NONO: variants seen among roughly 807,000 people sequenced by gnomAD.
The protein encoded by NONO is non-POU domain-containing octamer-binding protein.
NONO carries 6 observed loss-of-function variants against 40.2 expected under a neutral mutation model. The ratio of observed to expected loss-of-function variants is 0.15; its 90% confidence interval spans 0.08 to 0.29. The LOEUF (loss-of-function observed/expected upper bound fraction) is 0.29, where lower values mean the gene tolerates loss of function less well. Among genes scored for constraint, NONO ranks in the 10% least tolerant of loss-of-function variants. NONO has a pLI of 1.00. For synonymous variants in NONO, 89 were observed against 123.3 expected (o/e 0.72, Z 1.85); for missense variants, 133 against 397.8 (o/e 0.33, Z 5.66).
At chrX:71,288,119 C>CTTTTTTTTTTT (rs41517053) in intron 2 of NONO, among the ~76,000 whole-genome samples, 11 of 53,858 alleles carry the variant, frequency 2.0e-4, no homozygotes, top group African/African-American at 3.2e-4. Flanking sequence ...TTATTTTTAT[C>CTTTTTTTTTTT]TTTTTTTTTT....
In NONO at chrX:71,300,962, A is replaced by G. The variant is rs1361852134; in HGVS notation, c.*886A>G. 6.4e-6 allele frequency: 1 copy of G among 157,223 alleles called. No homozygotes were observed. The highest frequency in any genetic ancestry group is 1.2e-5 in the Non-Finnish European group (1 of 80,906). The allele number at this position is 157,223 out of a possible 1,213,427, so 13.0% of individuals were successfully genotyped here. On this transcript the variant is annotated 3_prime_UTR_variant, in exon 12 of 12. Transcript: ENST00000276079. The stretch of plus-strand genomic sequence containing the variant: ...GTTGCTGTTCACAGCTTTTCTTGAT[A>G]GGCCTAGTACAATCTTGGGAACAGG...
intron 2 of NONO, chrX:71,285,169 G>A (rs1334699444): frequency 1.8e-5 from 2 of 111,950 alleles, no homozygotes; most frequent in Non-Finnish European, 3.8e-5. Flanking sequence ...TTCCATCCTG[G>A]GCCTCTCCGG....
At chrX:71,297,114 T>C in intron 7 of NONO, 67 bp downstream of exon 7, 1 of 966,629 alleles carries the variant, frequency 1.0e-6, no homozygotes, top group South Asian at 2.4e-5. Context: ...GGTTTCTTTG[T>C]ATCAATTAAC....
chrX:71,288,119 C>CTTTTTTTTTTTTTTTTTTTTTTTTTTTT (rs41517053), intron 2 of NONO, among the ~76,000 whole-genome samples: 1 of 53,856 alleles, frequency 1.9e-5, no homozygotes, highest in Non-Finnish European at 2.9e-5. Flanking sequence ...TTATTTTTAT[C>CTTTTTTTTTTTTTTTTTTTTTTTTTTTT]TTTTTTTTTT....
intron 11 of NONO, 143 bp from the exon 12 acceptor site, chrX:71,299,799 A>G: frequency 2.8e-6 from 2 of 722,638 alleles, no homozygotes; most frequent in Non-Finnish European, 4.0e-6. Flanking sequence ...TAGAGTTCTA[A>G]ACAGACTTAG....
chrX:71,288,090 G>T (rs1386545013), intron 2 of NONO, among the ~76,000 whole-genome samples: 10 of 82,629 alleles, frequency 1.2e-4, no homozygotes, highest in South Asian at 7.4e-4. Flanking sequence ...ATTTTTAAAT[G>T]ATAGAATTTA....
At position 71,297,874 on chromosome X, in the gene NONO, G is replaced by A; in HGVS notation, c.1067G>A (p.Arg356Gln). ...EERRRREEEM[R>Q]RQQEEMMRRQ... ...CGCAGGCGCCGTGAAGAAGAGATGC[G>A]GCGGCAGCAAGAAGAAATGATGCGG... The change falls in exon 9 of 12, where the codon CGG (arginine) becomes CAG (glutamine). Residue 356 changes from arginine (R) to glutamine (Q), a missense_variant. Physicochemically the swap from Arg to Gln is conservative, Grantham distance 43. Around this residue, in one of 3 missense-constraint regions of NONO, gnomAD observed 73 missense variants for 162.2 expected, o/e 0.45. Transcript: ENST00000276079. 2 of 1,209,665 alleles carry A rather than the reference G, an allele frequency of 1.7e-6. No homozygotes were observed. Among genetic ancestry groups the A allele is most frequent in the African/African-American group, 1.7e-5 (1 of 57,651 alleles).
chrX:71,297,629 C>A, intron 8 of NONO, 168 bp downstream of exon 8: 1 of 495,375 alleles, frequency 2.0e-6, no homozygotes. Flanking sequence ...GCCCATGGTC[C>A]TAGAAGTTAC....
chrX:71,291,306 T>A (rs1049500215), intron 3 of NONO, among the ~76,000 whole-genome samples: 21 of 111,976 alleles, frequency 1.9e-4, no homozygotes, highest in African/African-American at 6.8e-4. Context: ...CTTTCCTAAC[T>A]CATTTCATTC....
intron 2 of NONO, among the ~76,000 whole-genome samples, chrX:71,288,394 C>T (rs1281390709): frequency 9.0e-6 from 1 of 110,964 alleles, no homozygotes; most frequent in Non-Finnish European, 1.9e-5. Context: ...AGCCACTGTG[C>T]CCAGCCTATT....
At chrX:71,285,447 A>G (rs766611025) in intron 2 of NONO, among the ~76,000 whole-genome samples, 1 of 111,743 alleles carries the variant, frequency 8.9e-6, no homozygotes, top group Non-Finnish European at 1.9e-5. Context: ...ACGTTGCACT[A>G]TGTGGCAAGA....
chrX:71,286,658 A>G lies in NONO; in HGVS notation c.-10+2205A>G, dbSNP rs137874656. 3.4e-3 allele frequency among the ~76,000 whole-genome samples: 381 copies of G among 111,946 alleles called. 2 individuals carry two copies. The highest frequency in any genetic ancestry group is 0.012 in the African/African-American group (359 of 30,849). Reference sequence around the variant, plus strand: ...ATACTCGTGTTTATGTGGTCTTCATAATTTTTAAGGCTGTGAACATTCTGT... The same window carrying G: ...ATACTCGTGTTTATGTGGTCTTCATGATTTTTAAGGCTGTGAACATTCTGT... On this transcript the variant is annotated intron_variant, in intron 2 of 11. Coordinates refer to ENST00000276079, the MANE Select transcript of NONO (RefSeq NM_007363.5).
At chrX:71,297,542 G>A (rs996039922) in intron 8 of NONO, 81 bp downstream of exon 8, 10 of 723,451 alleles carry the variant, frequency 1.4e-5, no homozygotes, top group Non-Finnish European at 2.0e-5. Context: ...ATGCTACCTC[G>A]TGTATTTATA....
chrX:71,289,763 G>C (rs1389634145), intron 2 of NONO, among the ~76,000 whole-genome samples: 3 of 109,475 alleles, frequency 2.7e-5, no homozygotes, highest in Non-Finnish European at 5.7e-5. Flanking sequence ...TGCCTGGGTA[G>C]TGTTTTTTTG....
Position 71,294,349 on chromosome X carries a change from G to A in NONO, c.471G>A (p.Gln157=). 1.7e-6 allele frequency: 2 copies of A among 1,212,017 alleles called. No individual in the cohort carries two copies. The highest frequency in any genetic ancestry group is 1.8e-5 in the South Asian group (1 of 57,036). Residue 157 remains glutamine, a synonymous_variant, in exon 5 of 12, where the codon CAG becomes CAA. Transcript: ENST00000276079. The part of the protein sequence containing the change: ...SASLTVRNLP[Q]YVSNELLEEA... ...CCCTTACAGTTCGAAACCTTCCTCA[G>A]TATGTGTCCAACGAACTGCTGGAAG...
At chrX:71,291,250 C>A (rs181579425) in intron 3 of NONO, among the ~76,000 whole-genome samples, 1 of 112,004 alleles carries the variant, frequency 8.9e-6, no homozygotes, top group African/African-American at 3.2e-5. Flanking sequence ...AGACTAGAAC[C>A]AATCCCAACT....
At chrX:71,284,213 C>T (rs1457232113) in intron 1 of NONO, 184 bp from the exon 2 acceptor site, 2 of 112,682 alleles carry the variant, frequency 1.8e-5, no homozygotes, top group African/African-American at 6.5e-5. Context: ...GAGCCCGCCG[C>T]TTTCGTAGTC....
intron 2 of NONO, 111 bp downstream of exon 2, chrX:71,284,564 A>G (rs1251381202): frequency 8.9e-6 from 1 of 112,058 alleles, no homozygotes; most frequent in Non-Finnish European, 1.9e-5. Context: ...ATAGTTTTCA[A>G]TTAAATTTCA....
chrX:71,293,577 C>T (rs2031370872), intron 4 of NONO, among the ~76,000 whole-genome samples: 1 of 107,079 alleles, frequency 9.3e-6, no homozygotes, highest in Non-Finnish European at 1.9e-5. Context: ...AGCAAGACTC[C>T]GTCTCGAAAA....
Sources: gnomAD v4.1 joint callset for allele counts (sites outside exome capture counted in the v4.1 genomes callset) on GRCh38, gnomAD v4.1.1 for gene constraint, gnomAD v4.1.1 regional missense constraint, MANE v1.5 for transcripts, NCBI Gene and HGNC (gene_info 2026-07-23, HGNC 2026-07-21) for gene names.